The following TTC27 variants were observed in gnomAD, a reference collection of about 807,000 sequenced individuals.
TTC27 encodes tetratricopeptide repeat domain 27.
In TTC27, 79 loss-of-function variants were observed where a neutral mutation model predicts 115.9. The ratio of observed to expected loss-of-function variants is 0.68; its 90% CI spans 0.57 to 0.82. The LOEUF (loss-of-function observed/expected upper bound fraction) is 0.82, where lower values mean the gene tolerates loss of function less well. Among genes scored for constraint, TTC27 ranks in the 40% least tolerant of loss-of-function variants. The pLI is 0.00. For synonymous variants in TTC27, 401 were observed against 356.0 expected (o/e 1.13, Z -1.42); for missense variants, 1,054 against 993.1 (o/e 1.06, Z -0.82).
chr2:32,757,221 A>G (rs755322804), intron 12 of TTC27, among the ~76,000 whole-genome samples: 8 of 152,212 alleles, frequency 5.3e-5, no homozygotes, highest in Non-Finnish European at 1.2e-4. Context: ...AGGCTCCCCA[A>G]CCATACCGTT....
At chr2:32,785,688 C>T (rs4952270) in intron 15 of TTC27, among the ~76,000 whole-genome samples, 25,250 of 152,186 alleles carry the variant, frequency 0.17, 2,539 homozygotes, top group South Asian at 0.35. Context: ...CTCCACCTCC[C>T]GGGTTCAAGC....
chr2:32,750,302 G>A (rs561350018), intron 12 of TTC27, among the ~76,000 whole-genome samples: 3 of 152,216 alleles, frequency 2.0e-5, no homozygotes, highest in Non-Finnish European at 4.4e-5. Flanking sequence ...CCAGCAGTTG[G>A]AAGGACAAGG....
intron 12 of TTC27, among the ~76,000 whole-genome samples, chr2:32,744,491 A>G (rs1329693364): frequency 6.6e-6 from 1 of 152,198 alleles, no homozygotes; most frequent in Non-Finnish European, 1.5e-5. Flanking sequence ...GTGATTATTT[A>G]TGGAAAATAT....
chr2:32,702,781 G>T, intron 9 of TTC27, 26 bp from the exon 10 acceptor site: 1 of 1,496,654 alleles, frequency 6.7e-7, no homozygotes, highest in South Asian at 1.1e-5. Flanking sequence ...TCTTTTCTAT[G>T]ATTTTTTTCT....
intron 10 of TTC27, among the ~76,000 whole-genome samples, chr2:32,715,001 A>G (rs1667707242): frequency 6.6e-6 from 1 of 152,038 alleles, no homozygotes. Flanking sequence ...ATGCATTTGC[A>G]AATATTTTCT....
chr2:32,660,580 T>TG (rs1276651699), intron 5 of TTC27, among the ~76,000 whole-genome samples: 2 of 148,882 alleles, frequency 1.3e-5, no homozygotes, highest in African/African-American at 4.9e-5. Flanking sequence ...GGGAACATCA[T>TG]GGGGGGTGGG....
At chr2:32,810,623 T>G (rs1029440453) in intron 16 of TTC27, among the ~76,000 whole-genome samples, 3 of 152,132 alleles carry the variant, frequency 2.0e-5, no homozygotes, top group South Asian at 2.1e-4. Flanking sequence ...GGTATTGAGG[T>G]GCACAGTCCT....
chr2:32,687,265 G>T (rs994998574), intron 9 of TTC27, among the ~76,000 whole-genome samples: 3 of 152,152 alleles, frequency 2.0e-5, no homozygotes, highest in Non-Finnish European at 4.4e-5. Flanking sequence ...ACTATTGTAG[G>T]TTGTGAAAAA....
intron 13 of TTC27, among the ~76,000 whole-genome samples, chr2:32,776,112 T>C (rs529394254): frequency 1.3e-5 from 2 of 152,210 alleles, no homozygotes; most frequent in Non-Finnish European, 2.9e-5. Context: ...AGTAGACATA[T>C]ATCCATCCTC....
At chr2:32,628,618 G>A (rs915899700) in intron 1 of TTC27, among the ~76,000 whole-genome samples, 1 of 152,114 alleles carries the variant, frequency 6.6e-6, no homozygotes, top group Non-Finnish European at 1.5e-5. Flanking sequence ...ATTTTTCTAA[G>A]CCCTTAACAT....
At chr2:32,689,635 T>C (rs539843935) in intron 9 of TTC27, among the ~76,000 whole-genome samples, 2 of 152,274 alleles carry the variant, frequency 1.3e-5, no homozygotes, top group Non-Finnish European at 2.9e-5. Context: ...ATATACTGTT[T>C]AGAGCTCAAG....
intron 6 of TTC27, among the ~76,000 whole-genome samples, chr2:32,666,361 T>G (rs982538140): frequency 7.0e-6 from 1 of 142,506 alleles, no homozygotes; most frequent in Admixed American, 7.1e-5. Flanking sequence ...ATGTGTTACT[T>G]TTTTTTTTTT....
At chr2:32,702,679 C>G in intron 9 of TTC27, 128 bp from the exon 10 acceptor site, 1 of 621,022 alleles carries the variant, frequency 1.6e-6, no homozygotes, top group East Asian at 2.8e-5. Flanking sequence ...TTTTTGTTAA[C>G]TGGGAAGATT....
chr2:32,695,035 T>C (rs908125039), intron 9 of TTC27, among the ~76,000 whole-genome samples: 8 of 152,144 alleles, frequency 5.3e-5, no homozygotes, highest in Non-Finnish European at 8.8e-5. Flanking sequence ...CATATTTTTT[T>C]ATATACATAA....
chr2:32,660,131 G>A (rs992588854), intron 5 of TTC27, among the ~76,000 whole-genome samples: 28 of 152,042 alleles, frequency 1.8e-4, no homozygotes, highest in African/African-American at 6.5e-4. Context: ...CATTCCCACC[G>A]ACAGAGTAAA....
chr2:32,738,134 AC>A (rs1186148928), intron 12 of TTC27, among the ~76,000 whole-genome samples: 1 of 152,190 alleles, frequency 6.6e-6, no homozygotes, highest in Non-Finnish European at 1.5e-5. Flanking sequence ...GCTTCAGATC[AC>A]AAGCTGGTTA....
intron 1 of TTC27, among the ~76,000 whole-genome samples, chr2:32,628,942 T>C (rs2063535904): frequency 6.6e-6 from 1 of 151,258 alleles, no homozygotes; most frequent in Non-Finnish European, 1.5e-5. Flanking sequence ...GTATTTTTAG[T>C]AGAGTCGAGG....
chr2:32,759,700 T>A (rs1445982226), intron 13 of TTC27, among the ~76,000 whole-genome samples: 4 of 152,216 alleles, frequency 2.6e-5, no homozygotes, highest in Admixed American at 1.3e-4. Flanking sequence ...ACCAAAACTC[T>A]ATACTCATTA....
chr2:32,702,685 A>G, intron 9 of TTC27, 122 bp from the exon 10 acceptor site: 1 of 636,708 alleles, frequency 1.6e-6, no homozygotes, highest in Non-Finnish European at 2.8e-6. Context: ...TTAACTGGGA[A>G]GATTTTCAAA....
Sources: allele counts gnomAD v4.1 joint callset (sites outside exome capture counted in the v4.1 genomes callset), GRCh38; gene constraint gnomAD v4.1.1; transcripts MANE v1.5; gene names NCBI Gene and HGNC (gene_info 2026-07-23, HGNC 2026-07-21).